PLA2G10: variants seen among roughly 807,000 people sequenced by gnomAD.
PLA2G10 encodes the protein group 10 secretory phospholipase A2.
A neutral mutation model predicts 7.9 loss-of-function variants in PLA2G10; 9 were observed. The ratio of observed to expected loss-of-function variants is 1.14; its 90% CI spans 0.68 to 1.98. The LOEUF is 1.98. Among genes scored for constraint, PLA2G10 ranks in the 30% most tolerant of loss-of-function variants. PLA2G10 has a pLI of 0.00. For missense variants in PLA2G10, 53 were observed against 65.4 expected (o/e 0.81, Z 0.66); for synonymous variants, 19 against 27.5 (o/e 0.69, Z 0.97).
intron 3 of PLA2G10, among the ~76,000 whole-genome samples, chr16:14,685,948 C>T (rs1961044596): frequency 6.7e-6 from 1 of 149,840 alleles, no homozygotes; most frequent in East Asian, 2.0e-4. Context: ...GTTGGGATTA[C>T]TGGTGTGAGC....
chr16:14,681,563 G>A (rs1240429841), intron 3 of PLA2G10, among the ~76,000 whole-genome samples: 1 of 151,912 alleles, frequency 6.6e-6, no homozygotes, highest in East Asian at 1.9e-4. Context: ...AGCTCCCGAG[G>A]CTTAAGTTTA....
intron 3 of PLA2G10, among the ~76,000 whole-genome samples, chr16:14,674,321 T>C (rs1318165643): frequency 6.6e-6 from 1 of 152,178 alleles, no homozygotes; most frequent in African/African-American, 2.4e-5. Flanking sequence ...CAAAGCAATC[T>C]ACAGATTCAA....
At position 14,672,673 on chromosome 16, in the gene PLA2G10, C is replaced by T. The variant is rs367681146; in HGVS notation, c.432G>A (p.Glu144=). ...GGTAGAAGAGGTACTTTAAGTTGTA[C>T]TCAGTTTGGGCTAAGCAGTTAGCAA... The part of the protein sequence containing the change: ...QEIANCLAQT[E]YNLKYLFYPQ... Residue 144 remains glutamate (E), a synonymous_variant, in exon 4 of 4, where the codon GAG becomes GAA. Coordinates refer to ENST00000438167, the MANE Select transcript of PLA2G10 (RefSeq NM_003561.3). The T allele has an allele frequency of 3.7e-6, 6 of 1,614,082 alleles. No individual in the cohort carries two copies. The highest frequency in any genetic ancestry group is 1.1e-5 in the South Asian group (1 of 91,084).
intron 3 of PLA2G10, among the ~76,000 whole-genome samples, chr16:14,686,639 TAC>T (rs1273427643): frequency 1.1e-4 from 17 of 152,120 alleles, no homozygotes; most frequent in Non-Finnish European, 4.4e-5. Context: ...TAGCTGGGAT[TAC>T]AAGCATGCAC....
intron 3 of PLA2G10, among the ~76,000 whole-genome samples, chr16:14,680,008 C>G (rs992197811): frequency 1.3e-5 from 2 of 152,004 alleles, no homozygotes; most frequent in Non-Finnish European, 2.9e-5. Context: ...TTTTGTATTC[C>G]TAACATAGCA....
intron 3 of PLA2G10, chr16:14,678,767 C>CA (rs746387512): frequency 0.037 from 11,272 of 301,312 alleles, no homozygotes; most frequent in South Asian, 0.061. Context: ...AAGACTGTCT[C>CA]AAAAAAAAAA....
chr16:14,678,231 G>A (rs1259427842), intron 3 of PLA2G10, among the ~76,000 whole-genome samples: 1 of 152,078 alleles, frequency 6.6e-6, no homozygotes, highest in Admixed American at 6.6e-5. Flanking sequence ...GCTACAGGGC[G>A]ACGGGGACAA....
intron 3 of PLA2G10, among the ~76,000 whole-genome samples, chr16:14,675,759 T>C (rs1233191109): frequency 6.6e-6 from 1 of 151,810 alleles, no homozygotes; most frequent in South Asian, 2.1e-4. Context: ...GCCAACATGG[T>C]GAAACCCCGT....
intron 3 of PLA2G10, among the ~76,000 whole-genome samples, chr16:14,687,815 G>A (rs1961135873): frequency 2.0e-5 from 3 of 151,376 alleles, no homozygotes; most frequent in Non-Finnish European, 4.4e-5. Flanking sequence ...TGGCCAACTT[G>A]GTGAAACCCC....
At chr16:14,680,479 C>G (rs998186808) in intron 3 of PLA2G10, among the ~76,000 whole-genome samples, 1 of 152,084 alleles carries the variant, frequency 6.6e-6, no homozygotes, top group African/African-American at 2.4e-5. Context: ...CAGCCTGGAC[C>G]TCCTGAGCTC....
At chr16:14,681,142 C>A (rs2151851719) in intron 3 of PLA2G10, among the ~76,000 whole-genome samples, 1 of 145,640 alleles carries the variant, frequency 6.9e-6, no homozygotes, top group South Asian at 2.2e-4. Context: ...CCAGCCTGGG[C>A]AACAGAGTGA....
At chr16:14,675,209 G>A (rs1960694505) in intron 3 of PLA2G10, among the ~76,000 whole-genome samples, 1 of 151,538 alleles carries the variant, frequency 6.6e-6, no homozygotes, top group African/African-American at 2.4e-5. Context: ...ATAAATTGGG[G>A]AAATGACACC....
intron 3 of PLA2G10, 105 bp from the exon 4 acceptor site, chr16:14,672,854 A>G (rs1372157524): frequency 2.8e-6 from 3 of 1,057,054 alleles, no homozygotes; most frequent in East Asian, 4.8e-5. Context: ...TTTCTGAGAC[A>G]CTTGACAGCC....
intron 3 of PLA2G10, among the ~76,000 whole-genome samples, chr16:14,685,487 C>T (rs1291021653): frequency 1.3e-5 from 2 of 151,598 alleles, no homozygotes; most frequent in Non-Finnish European, 2.9e-5. Context: ...AGGGTAAATC[C>T]AGAGATAGAA....
intron 3 of PLA2G10, among the ~76,000 whole-genome samples, chr16:14,681,750 GTTCCT>G (rs1960898312): frequency 6.6e-6 from 1 of 151,662 alleles, no homozygotes; most frequent in South Asian, 2.1e-4. Context: ...AGATATTTTA[GTTCCT>G]TTCATTTGGT....
At chr16:14,677,060 C>A (rs573003958) in intron 3 of PLA2G10, among the ~76,000 whole-genome samples, 2 of 152,238 alleles carry the variant, frequency 1.3e-5, no homozygotes, top group South Asian at 4.1e-4. Flanking sequence ...CACCACTATA[C>A]AATTCATCCA....
intron 3 of PLA2G10, among the ~76,000 whole-genome samples, 188 bp downstream of exon 3, chr16:14,687,977 T>G: frequency 6.6e-6 from 1 of 151,240 alleles, no homozygotes. Context: ...CTAGCCTGGG[T>G]GACAGAGCGA....
intron 3 of PLA2G10, among the ~76,000 whole-genome samples, chr16:14,674,809 C>T (rs1172813550): frequency 6.6e-6 from 1 of 152,050 alleles, no homozygotes; most frequent in East Asian, 1.9e-4. Flanking sequence ...AAAGTAGATA[C>T]ATAGACCAAC....
At chr16:14,688,520 C>A (rs79467424) in intron 2 of PLA2G10, among the ~76,000 whole-genome samples, 1,133 of 34,402 alleles carry the variant, frequency 0.033, 114 homozygotes, top group Middle Eastern at 0.081. Context: ...TCCCAAGTAG[C>A]TGAGACTACA....
Sources: allele counts gnomAD v4.1 joint callset (sites outside exome capture counted in the v4.1 genomes callset), GRCh38; gene constraint gnomAD v4.1.1; transcripts MANE v1.5; gene names NCBI Gene and HGNC (gene_info 2026-07-23, HGNC 2026-07-21).